The following AATK variants were observed in gnomAD, a reference collection of about 807,000 sequenced individuals.
AATK encodes the protein lemur tail kinase 1.
Under a neutral mutation model 114.3 loss-of-function variants are expected in AATK, and 91 were observed. The ratio of observed to expected loss-of-function variants is 0.80; its 90% CI spans 0.67 to 0.95. The LOEUF is 0.95. AATK is among the 40% of genes least tolerant of loss of function. The probability of loss-of-function intolerance (pLI) is 0.00; values close to 1 mark genes in which losing one functional copy is unlikely to be tolerated. For missense variants in AATK, 2,176 were observed against 1,965.2 expected (o/e 1.11, Z -2.03); for synonymous variants, 1,075 against 916.5 (o/e 1.17, Z -3.12).
chr17:81,128,871 C>T (rs1354936867), intron 3 of AATK: 1 of 1,171,210 alleles, frequency 8.5e-7, no homozygotes, highest in African/African-American at 1.6e-5. Context: ...TGGGCTGCAC[C>T]AGGCAGGCAG....
chr17:81,126,177 G>C lies in AATK; in HGVS notation c.755+250C>G, dbSNP rs568486725. Reference sequence around the variant, plus strand: ...CAGGGTGCTGGCTGACTGCCTCGGGGACAGAGAACAGGCCAGCTTGACAGT... The same window carrying C: ...CAGGGTGCTGGCTGACTGCCTCGGGCACAGAGAACAGGCCAGCTTGACAGT... On this transcript the variant is annotated intron_variant, in intron 7 of 13. Transcript: ENST00000326724. This position sits in a 1 kb window ranked among gnomAD's most constrained non-coding sequence, Gnocchi z 5.1. 6.6e-6 allele frequency among the ~76,000 whole-genome samples: 1 copy of C among 152,326 alleles called. No individual in the cohort carries two copies. Among genetic ancestry groups the C allele is most frequent in the African/African-American group, 2.4e-5 (1 of 41,578 alleles).
Position 81,118,399 on chromosome 17 carries a change from G to A in AATK, c.*3C>T. The A allele has an allele frequency of 1.2e-6, 2 of 1,606,058 alleles. No homozygotes were observed. Among genetic ancestry groups the A allele is most frequent in the African/African-American group, 1.3e-5 (1 of 74,784 alleles). On this transcript the variant is annotated 3_prime_UTR_variant, in exon 14 of 14. Coordinates refer to ENST00000326724, the MANE Select transcript of AATK (RefSeq NM_001080395.3). ...GCCTTGAGGGGCAGGAGCTGCCCAG[G>A]TCTCAAGCCTCTTTACTCTCACCCC...
At chr17:81,143,535 A>G (rs904306572) in intron 1 of AATK, among the ~76,000 whole-genome samples, 2 of 21,232 alleles carry the variant, frequency 9.4e-5, no homozygotes, top group African/African-American at 1.5e-4. Context: ...TGCAGCCCCC[A>G]CCCCCCGTGT....
intron 3 of AATK, among the ~76,000 whole-genome samples, chr17:81,129,391 G>A (rs1393258217): frequency 6.6e-6 from 1 of 152,194 alleles, no homozygotes; most frequent in East Asian, 1.9e-4. Flanking sequence ...CCCTGAGCAA[G>A]TGTGGGGGTC....
In AATK at chr17:81,147,015, C is replaced by T. The variant is rs573007889; in HGVS notation, c.56-12514G>A. 1.2e-3 allele frequency among the ~76,000 whole-genome samples: 156 copies of T among 128,720 alleles called. 3 individuals are homozygous for T. The South Asian group carries it at 0.033, about 28-fold the overall frequency. 84.4% of individuals were successfully genotyped at this position (128,720 alleles called of 152,430 possible). On this transcript the variant is annotated intron_variant, in intron 1 of 13. Coordinates refer to ENST00000326724, the MANE Select transcript of AATK (RefSeq NM_001080395.3). ...AAGTAAGGAATGAGAAAGTGAACGC[C>T]GCAGACGGAAAAAGCTATTTGCACA...
At position 81,137,915 on chromosome 17, in the gene AATK, C is replaced by T. The variant is rs2061039313; in HGVS notation, c.56-3414G>A. Among the ~76,000 whole-genome samples, 4 of 54,092 alleles carry T rather than the reference C, an allele frequency of 7.4e-5. No individual in the cohort carries two copies. The South Asian group carries it at 3.0e-3, about 40-fold the overall frequency. 35.5% of individuals were successfully genotyped at this position (54,092 alleles called of 152,430 possible). On this transcript the variant is annotated intron_variant, in intron 1 of 13. Transcript: ENST00000326724. ...ACCCACGTGCACATACACACGGGCA[C>T]ACGTGCACACAGCCACACGCACACA...
chr17:81,149,457 C>CA (rs1293449655), intron 1 of AATK, among the ~76,000 whole-genome samples: 1 of 152,046 alleles, frequency 6.6e-6, no homozygotes, highest in Non-Finnish European at 1.5e-5. Context: ...ACCCAACCTC[C>CA]AATCCCTTGT....
At chr17:81,158,907 TCA>T (rs536214696) in intron 1 of AATK, among the ~76,000 whole-genome samples, 115 of 152,086 alleles carry the variant, frequency 7.6e-4, no homozygotes, top group Admixed American at 2.9e-3. Context: ...TGCCCCACAG[TCA>T]CACACCAGCA....
intron 2 of AATK, 91 bp from the exon 3 acceptor site, chr17:81,131,296 G>A (rs2060927238): frequency 6.9e-7 from 1 of 1,447,904 alleles, no homozygotes; most frequent in Non-Finnish European, 9.1e-7. Flanking sequence ...CCAGGGCCGA[G>A]CTCCCAGGGC....
intron 1 of AATK, among the ~76,000 whole-genome samples, chr17:81,142,739 C>A (rs1319035658): frequency 1.3e-5 from 2 of 152,170 alleles, no homozygotes; most frequent in Non-Finnish European, 2.9e-5. Context: ...TGGCTTCTCA[C>A]CTGTGAGCCT....
chr17:81,145,546 A>G (rs1370252105), intron 1 of AATK, among the ~76,000 whole-genome samples: 1 of 151,908 alleles, frequency 6.6e-6, no homozygotes, highest in Admixed American at 6.6e-5. Context: ...CAGCCTGACC[A>G]ATATGATGAA....
intron 1 of AATK, among the ~76,000 whole-genome samples, chr17:81,139,415 G>A (rs891278178): frequency 6.6e-6 from 1 of 152,192 alleles, no homozygotes; most frequent in Non-Finnish European, 1.5e-5. Flanking sequence ...CCAGAAACCC[G>A]TGCCCAGGAA....
rs937497228 is a variant in AATK at position 81,126,453 on chromosome 17, G to A, written c.729C>T (p.His243=). Residue 243 remains histidine, a synonymous_variant, in exon 7 of 14, where the codon CAC becomes CAT. Coordinates refer to ENST00000326724, the MANE Select transcript of AATK (RefSeq NM_001080395.3). The surrounding 1 kb of genome is among the most constrained non-coding windows in gnomAD (Gnocchi z 5.1). ...TGTGCACGAAATTGTTGCGATGAAG[G>A]TGCAGGACGCCACAGGCCACCTCAC... The part of the protein sequence containing the change: ...MACEVACGVL[H]LHRNNFVHSD... The A allele has an allele frequency of 1.9e-6, 3 of 1,562,416 alleles. No individual in the cohort carries two copies. The highest frequency in any genetic ancestry group is 2.7e-5 in the African/African-American group (2 of 73,560).
intron 6 of AATK, among the ~76,000 whole-genome samples, chr17:81,127,273 C>G (rs1400701299): frequency 3.3e-5 from 5 of 152,016 alleles, no homozygotes; most frequent in South Asian, 2.1e-4. Context: ...AGTGCCCCCC[C>G]CCAGTTGGCC....
intron 1 of AATK, chr17:81,165,396 C>A: frequency 3.6e-6 from 1 of 275,392 alleles, no homozygotes; most frequent in South Asian, 3.4e-5. Context: ...ATCTGGGCAC[C>A]CACCAAGGCC....
In AATK at chr17:81,166,052, C is replaced by G; in HGVS notation, c.-60G>C. The G allele has an allele frequency of 8.1e-7, 1 of 1,241,532 alleles. No individual in the cohort carries two copies. Among genetic ancestry groups the G allele is most frequent in the Non-Finnish European group, 1.0e-6 (1 of 979,282 alleles). 76.9% of individuals were successfully genotyped at this position (1,241,532 alleles called of 1,614,324 possible). On this transcript the variant is annotated 5_prime_UTR_variant, in exon 1 of 14. Coordinates refer to ENST00000326724, the MANE Select transcript of AATK (RefSeq NM_001080395.3). ...GCGCTGCGCTCAGGACGCCCGCGGC[C>G]CCGGCCCGAGCCGCCGCATCACCCA... is the stretch of plus-strand genomic sequence containing the variant.
At chr17:81,152,446 G>C (rs1158865876) in intron 1 of AATK, among the ~76,000 whole-genome samples, 1 of 151,952 alleles carries the variant, frequency 6.6e-6, no homozygotes, top group Non-Finnish European at 1.5e-5. Context: ...TCATCCAGCA[G>C]TGTGACTCGA....
At chr17:81,148,577 G>A (rs944391499) in intron 1 of AATK, among the ~76,000 whole-genome samples, 5 of 152,244 alleles carry the variant, frequency 3.3e-5, no homozygotes, top group African/African-American at 1.2e-4. Context: ...AGGTACCTGG[G>A]GATGAGCCCC....
In AATK at chr17:81,121,459, G is replaced by C; in HGVS notation, c.2477C>G (p.Ser826Cys). The C allele has an allele frequency of 6.3e-7, 1 of 1,588,946 alleles. No homozygotes were observed. Residue 826 changes from serine (S) to cysteine (C), a missense_variant, in exon 11 of 14, where the codon TCT (serine) becomes TGT (cysteine). Ser to Cys is a moderately radical substitution (Grantham distance 112, BLOSUM62 -1). Around this residue, in one of 4 missense-constraint regions of AATK, gnomAD observed 1,701 missense variants for 1,394.7 expected, o/e 1.22. Transcript: ENST00000326724. ...CTCGCCACCAGTAGCAGGCGTGGGA[G>C]AGTCAGGCAGGGCATCAGGGGCGTC... Reference protein sequence around the residue: ...APDAPDALPDSPTPATGGEVS... With the variant: ...APDAPDALPDCPTPATGGEVS...
Sources: gnomAD v4.1 joint callset for allele counts (sites outside exome capture counted in the v4.1 genomes callset) on GRCh38, gnomAD v4.1.1 for gene constraint, gnomAD v4.1.1 regional missense constraint, Gnocchi (gnomAD v3.1) non-coding constraint, MANE v1.5 for transcripts, NCBI Gene and HGNC (gene_info 2026-07-23, HGNC 2026-07-21) for gene names.